AGBL1: variants seen among roughly 807,000 people sequenced by gnomAD.
The protein encoded by AGBL1 is AGBL carboxypeptidase 1, also known as cytosolic carboxypeptidase 4.
Under a neutral mutation model 118.9 loss-of-function variants are expected in AGBL1, and 130 were observed. That is an observed-to-expected ratio of 1.09 (90% CI 0.95 to 1.26). The LOEUF (loss-of-function observed/expected upper bound fraction) is 1.26. Ranked by LOEUF, AGBL1 falls within the 50% of genes most tolerant of loss-of-function variation. The pLI is 0.00. For synonymous variants in AGBL1, 555 were observed against 478.9 expected, an observed-to-expected ratio of 1.16 and a Z score of -2.08; for missense variants, 1,584 against 1,298.1, an observed-to-expected ratio of 1.22 and a Z score of -3.38.
intron 9 of AGBL1, among the ~76,000 whole-genome samples, chr15:86,260,937 C>A (rs2078971918): frequency 6.6e-6 from 1 of 152,172 alleles, no homozygotes; most frequent in Non-Finnish European, 1.5e-5. Flanking sequence ...GGCAACCTGG[C>A]TGAGTGCCTG....
At chr15:86,124,783 G>C (rs963502971) in intron 1 of AGBL1, among the ~76,000 whole-genome samples, 2 of 152,090 alleles carry the variant, frequency 1.3e-5, no homozygotes, top group South Asian at 2.1e-4. Flanking sequence ...ATTCACCATA[G>C]AGTCTGACAA....
At chr15:87,031,422 C>G (rs890431984), downstream of AGBL1, among the ~76,000 whole-genome samples, 1 of 151,570 alleles carries the variant, frequency 6.6e-6, no homozygotes, top group African/African-American at 2.4e-5. Flanking sequence ...CACAGACCAG[C>G]CTTAAGTGCA....
At chr15:86,773,359 C>T (rs950626935) in intron 22 of AGBL1, among the ~76,000 whole-genome samples, 9 of 151,934 alleles carry the variant, frequency 5.9e-5, no homozygotes, top group Admixed American at 1.3e-4. Context: ...TTTCTCTCTC[C>T]GGAAATCTAA....
At chr15:86,693,299 A>C (rs1341190598) in intron 22 of AGBL1, among the ~76,000 whole-genome samples, 2 of 152,002 alleles carry the variant, frequency 1.3e-5, no homozygotes, top group Admixed American at 1.3e-4. Context: ...CCACTCTTGC[A>C]GGAGTAAAGT....
chr15:86,663,342 G>A (rs534343584), intron 21 of AGBL1, among the ~76,000 whole-genome samples: 7 of 152,260 alleles, frequency 4.6e-5, no homozygotes, highest in African/African-American at 1.7e-4. Context: ...TGTAACCATG[G>A]GGAGAGCAGC....
intron 23 of AGBL1, among the ~76,000 whole-genome samples, chr15:86,967,586 G>A (rs1001425187): frequency 4.6e-5 from 7 of 151,840 alleles, no homozygotes; most frequent in African/African-American, 7.2e-5. Context: ...ATAGGGAATC[G>A]TTTCCCCATT....
At chr15:86,295,460 A>T in intron 17 of AGBL1, 52 bp downstream of exon 17, 1 of 1,501,064 alleles carries the variant, frequency 6.7e-7, no homozygotes, top group Non-Finnish European at 8.9e-7. Flanking sequence ...GGTGTCCTTT[A>T]TAGTCTTGGA....
At chr15:86,359,003 C>A (rs11629827) in intron 17 of AGBL1, among the ~76,000 whole-genome samples, 71,697 of 150,942 alleles carry the variant, frequency 0.47, 18,230 homozygotes, top group Non-Finnish European at 0.57. Context: ...GTTTTCTTTG[C>A]TGTTTAGAAA....
intron 23 of AGBL1, among the ~76,000 whole-genome samples, chr15:86,984,084 A>G (rs1022748728): frequency 6.6e-6 from 1 of 152,164 alleles, no homozygotes; most frequent in Non-Finnish European, 1.5e-5. Flanking sequence ...GGTAAGTCCT[A>G]TGTTTAACTT....
chr15:86,546,479 C>T (rs1208661228), intron 20 of AGBL1, among the ~76,000 whole-genome samples: 2 of 152,066 alleles, frequency 1.3e-5, no homozygotes, highest in Non-Finnish European at 2.9e-5. Context: ...TTAACATTAC[C>T]TCTCTGAACC....
chr15:86,687,142 G>C (rs750947174), intron 22 of AGBL1, among the ~76,000 whole-genome samples: 4 of 152,108 alleles, frequency 2.6e-5, no homozygotes, highest in African/African-American at 9.7e-5. Context: ...GCATTGAAAA[G>C]GCTATATATG....
chr15:86,399,689 T>C (rs957560068), intron 18 of AGBL1, among the ~76,000 whole-genome samples: 1 of 152,192 alleles, frequency 6.6e-6, no homozygotes, highest in Admixed American at 6.5e-5. Flanking sequence ...TATCCAGATC[T>C]TTGGTTTAAA....
intron 22 of AGBL1, among the ~76,000 whole-genome samples, chr15:86,790,508 G>A (rs1390739491): frequency 6.6e-6 from 1 of 152,194 alleles, no homozygotes; most frequent in African/African-American, 2.4e-5. Context: ...GGACCTGCAA[G>A]CTAGTGCCCT....
chr15:86,953,636 C>G (rs2080901865), intron 23 of AGBL1, among the ~76,000 whole-genome samples: 1 of 152,050 alleles, frequency 6.6e-6, no homozygotes. Context: ...AGCAATCCAC[C>G]CACCTCGGCC....
At chr15:86,344,912 T>C (rs1307617545) in intron 17 of AGBL1, among the ~76,000 whole-genome samples, 1 of 152,130 alleles carries the variant, frequency 6.6e-6, no homozygotes, top group Non-Finnish European at 1.5e-5. Flanking sequence ...GCCCTTTGTT[T>C]GTACTTGACT....
intron 24 of AGBL1, among the ~76,000 whole-genome samples, chr15:87,017,997 T>C (rs2081623851): frequency 7.4e-6 from 1 of 135,350 alleles, no homozygotes; most frequent in Admixed American, 6.8e-5. Flanking sequence ...AAATTTACAA[T>C]GCAATCACAA....
intron 17 of AGBL1, among the ~76,000 whole-genome samples, chr15:86,378,605 G>C (rs924399034): frequency 1.3e-5 from 2 of 152,158 alleles, no homozygotes; most frequent in South Asian, 2.1e-4. Flanking sequence ...AGGTGATACT[G>C]AGCATTTCCT....
chr15:86,229,243 A>G (rs897468637), intron 6 of AGBL1, among the ~76,000 whole-genome samples: 3 of 152,086 alleles, frequency 2.0e-5, no homozygotes, highest in Non-Finnish European at 4.4e-5. Context: ...AGGCTGGGTA[A>G]TTTACAAAGG....
intron 6 of AGBL1, among the ~76,000 whole-genome samples, chr15:86,243,333 G>A (rs1160786023): frequency 1.3e-5 from 2 of 152,124 alleles, no homozygotes; most frequent in African/African-American, 4.8e-5. Flanking sequence ...CACTAAAGAG[G>A]CACATGTGAA....
Sources: allele counts gnomAD v4.1 joint callset (sites outside exome capture counted in the v4.1 genomes callset), GRCh38; gene constraint gnomAD v4.1.1; transcripts MANE v1.5; gene names NCBI Gene and HGNC (gene_info 2026-07-23, HGNC 2026-07-21).